Variants in DLGAP4 observed in about 807,000 individuals in gnomAD.
DLGAP4 encodes the protein DLG associated protein 4, also known as disks large-associated protein 4.
DLGAP4 carries 18 observed loss-of-function variants against 86.9 expected under a neutral mutation model. The observed-to-expected ratio is 0.21, with a 90% CI of 0.14 to 0.31. The LOEUF (loss-of-function observed/expected upper bound fraction) is 0.31, where lower values mean the gene tolerates loss of function less well. Among genes scored for constraint, DLGAP4 ranks in the 10% least tolerant of loss-of-function variants. The pLI, the probability that DLGAP4 is intolerant of heterozygous loss-of-function variation, is 1.00. For synonymous variants in DLGAP4, 548 were observed against 574.3 expected, an observed-to-expected ratio of 0.95 and a Z score of 0.65; for missense variants, 1,085 against 1,362.6, an observed-to-expected ratio of 0.80 and a Z score of 3.21.
chr20:36,317,816 G>C (rs2147340623), intron 1 of DLGAP4, among the ~76,000 whole-genome samples: 1 of 151,972 alleles, frequency 6.6e-6, no homozygotes, highest in Admixed American at 6.6e-5. Context: ...GCTGCACATA[G>C]CTGAGTCAGA....
intron 2 of DLGAP4, among the ~76,000 whole-genome samples, chr20:36,386,199 G>A (rs915033590): frequency 4.6e-5 from 7 of 152,130 alleles, no homozygotes; most frequent in African/African-American, 4.8e-5. Flanking sequence ...GCAAGCAAGC[G>A]TGACACATTG....
chr20:36,473,937 A>G (rs2034793151), intron 7 of DLGAP4, among the ~76,000 whole-genome samples: 1 of 152,228 alleles, frequency 6.6e-6, no homozygotes, highest in Non-Finnish European at 1.5e-5. Flanking sequence ...GCTGGGGTTC[A>G]GTTCCTGGGC....
chr20:36,476,363 T>C lies in DLGAP4; in HGVS notation c.1649-20342T>C, dbSNP rs1372945085. Reference sequence around the variant, plus strand: ...TTTTTTTGGAGACACAGTCTCGCTCTGTCTCCCAGGCTGGAGTGCAATGGC... The same window carrying C: ...TTTTTTTGGAGACACAGTCTCGCTCCGTCTCCCAGGCTGGAGTGCAATGGC... On this transcript the variant is annotated intron_variant, in intron 7 of 12. Transcript: ENST00000339266. Among the ~76,000 whole-genome samples, 31 of 139,758 alleles carry C rather than the reference T, an allele frequency of 2.2e-4. No individual in the cohort carries two copies. The Admixed American group carries it at 2.3e-3, about 10-fold the overall frequency. The allele number at this position is 139,758 out of a possible 152,430, so 91.7% of individuals were successfully genotyped here.
chr20:36,320,205 C>T (rs1326031665), intron 1 of DLGAP4, among the ~76,000 whole-genome samples: 1 of 143,662 alleles, frequency 7.0e-6, no homozygotes, highest in Non-Finnish European at 1.5e-5. Context: ...CCGGGCCTCC[C>T]TCTGTGTCCC....
intron 7 of DLGAP4, among the ~76,000 whole-genome samples, chr20:36,458,984 TCA>T (rs1256043867): frequency 6.6e-6 from 1 of 152,184 alleles, no homozygotes; most frequent in Admixed American, 6.5e-5. Context: ...GGGACAGCCC[TCA>T]CTCCTCTAAC....
At chr20:36,474,139 T>C (rs2034803077) in intron 7 of DLGAP4, among the ~76,000 whole-genome samples, 1 of 152,258 alleles carries the variant, frequency 6.6e-6, no homozygotes, top group African/African-American at 2.4e-5. Flanking sequence ...CTGCTGTTAC[T>C]GACATCCAGG....
At chr20:36,526,488 T>C (rs1454349140) in intron 12 of DLGAP4, among the ~76,000 whole-genome samples, 1 of 151,982 alleles carries the variant, frequency 6.6e-6, no homozygotes, top group Non-Finnish European at 1.5e-5. Flanking sequence ...AGCCCTAAAT[T>C]TGTCTCTGAC....
chr20:36,369,121 T>G (rs1012458436), intron 2 of DLGAP4, among the ~76,000 whole-genome samples: 9 of 152,186 alleles, frequency 5.9e-5, no homozygotes, highest in South Asian at 2.1e-4. Context: ...GTGTTACTGC[T>G]GCTATTTTGC....
intron 2 of DLGAP4, among the ~76,000 whole-genome samples, chr20:36,392,116 A>G (rs1159337204): frequency 6.6e-6 from 1 of 152,084 alleles, no homozygotes; most frequent in African/African-American, 2.4e-5. Context: ...GGCAGCAGGG[A>G]TGGAAAGCCA....
chr20:36,442,585 G>A (rs1393306146), intron 5 of DLGAP4, 142 bp from the exon 6 acceptor site: 2 of 842,642 alleles, frequency 2.4e-6, no homozygotes, highest in Admixed American at 4.3e-5. Context: ...AGCCAAGTGA[G>A]ACCTCCTAGC....
intron 10 of DLGAP4, among the ~76,000 whole-genome samples, chr20:36,502,002 C>T (rs970819747): frequency 9.2e-5 from 14 of 152,216 alleles, no homozygotes; most frequent in African/African-American, 3.4e-4. Context: ...TTTTTACTAG[C>T]TGTATATTCT....
intron 7 of DLGAP4, among the ~76,000 whole-genome samples, chr20:36,479,358 A>G (rs1020204521): frequency 2.0e-5 from 3 of 152,144 alleles, no homozygotes; most frequent in Non-Finnish European, 2.9e-5. Context: ...GTCAACAGGC[A>G]TTCACCTGGG....
chr20:36,370,644 C>A (rs2030891623), intron 2 of DLGAP4, among the ~76,000 whole-genome samples: 1 of 151,542 alleles, frequency 6.6e-6, no homozygotes, highest in South Asian at 2.1e-4. Context: ...TAGCAAGACC[C>A]CCTTCTCCAA....
Position 36,417,038 on chromosome 20 carries a change from C to T in DLGAP4, c.-72-14608C>T, listed in dbSNP as rs563758709. 1.2e-4 allele frequency among the ~76,000 whole-genome samples: 19 copies of T among 152,246 alleles called. 1 individual carries two copies. Among genetic ancestry groups the T allele is most frequent in the Admixed American group, 9.8e-4 (15 of 15,294 alleles). Reference sequence around the variant, plus strand: ...CTCCCCTCTTGGAGCTCACAGAGCGCGGGAGGCACTAATCAAGTATGTGAG... The same window carrying T: ...CTCCCCTCTTGGAGCTCACAGAGCGTGGGAGGCACTAATCAAGTATGTGAG... On this transcript the variant is annotated intron_variant, in intron 2 of 12. Coordinates refer to ENST00000339266, the MANE Select transcript of DLGAP4 (RefSeq NM_001365621.2).
At position 36,526,918 on chromosome 20, in the gene DLGAP4, G is replaced by A. The variant is rs752946270; in HGVS notation, c.2866G>A (p.Ala956Thr). 2 of 1,613,464 alleles carry A rather than the reference G, an allele frequency of 1.2e-6. No individual in the cohort carries two copies. The highest frequency in any genetic ancestry group is 1.7e-6 in the Non-Finnish European group (2 of 1,179,892). Reference sequence around the variant, plus strand: ...CGCCAGCGACAAGCAGCGCCAGGAGGCCCGCAAGAGACTCCTGGCGGCCAA... The same window carrying A: ...CGCCAGCGACAAGCAGCGCCAGGAGACCCGCAAGAGACTCCTGGCGGCCAA... Reference protein sequence around the residue: ...SDASDKQRQEARKRLLAAKRA... With the variant: ...SDASDKQRQETRKRLLAAKRA... Residue 956 changes from alanine to threonine, a missense_variant, in exon 13 of 13, where the codon GCC (alanine) becomes ACC (threonine). Ala to Thr is a moderately conservative substitution (Grantham distance 58, BLOSUM62 0). Transcript: ENST00000339266.
chr20:36,380,353 T>C (rs750208396), intron 2 of DLGAP4, among the ~76,000 whole-genome samples: 1 of 151,448 alleles, frequency 6.6e-6, no homozygotes, highest in Non-Finnish European at 1.5e-5. Context: ...TAGGCTGCAG[T>C]GAGCTGAGAT....
At chr20:36,419,322 G>A (rs1416306849) in intron 2 of DLGAP4, among the ~76,000 whole-genome samples, 1 of 151,666 alleles carries the variant, frequency 6.6e-6, no homozygotes, top group Admixed American at 6.6e-5. Flanking sequence ...TAGAGATGGG[G>A]TCCTCGTTAT....
At chr20:36,354,863 G>A (rs1220499842) in intron 1 of DLGAP4, among the ~76,000 whole-genome samples, 1 of 152,108 alleles carries the variant, frequency 6.6e-6, no homozygotes, top group African/African-American at 2.4e-5. Context: ...GACTGATTGA[G>A]CCCAGGAGTT....
At chr20:36,501,127 C>T (rs115946500) in intron 10 of DLGAP4, among the ~76,000 whole-genome samples, 2,958 of 149,158 alleles carry the variant, frequency 0.02, 120 homozygotes, top group African/African-American at 0.071. Context: ...TGCAGTGGCT[C>T]GATATCAGCT....
Sources: gnomAD v4.1 joint callset for allele counts (sites outside exome capture counted in the v4.1 genomes callset) on GRCh38, gnomAD v4.1.1 for gene constraint, MANE v1.5 for transcripts, NCBI Gene and HGNC (gene_info 2026-07-23, HGNC 2026-07-21) for gene names.